Variants in SPOPL observed in about 807,000 individuals in gnomAD.
The protein encoded by SPOPL is speckle-type POZ protein-like.
A neutral mutation model predicts 53.8 loss-of-function variants in SPOPL; 23 were observed. The ratio of observed to expected loss-of-function variants is 0.43; its 90% CI spans 0.31 to 0.61. SPOPL has a LOEUF of 0.61. SPOPL is among the 20% of genes least tolerant of loss of function. SPOPL has a pLI of 0.12. For synonymous variants in SPOPL, 164 were observed against 149.7 expected (o/e 1.10, Z -0.70); for missense variants, 442 against 466.9 (o/e 0.95, Z 0.49).
intron 1 of SPOPL, among the ~76,000 whole-genome samples, chr2:138,511,828 C>T (rs1346251733): frequency 1.3e-5 from 2 of 152,180 alleles, no homozygotes; most frequent in African/African-American, 2.4e-5. Context: ...CTCCAGAGCT[C>T]TCCAGGCATC....
intron 1 of SPOPL, among the ~76,000 whole-genome samples, chr2:138,509,866 TATG>T (rs1684291569): frequency 6.6e-6 from 1 of 152,194 alleles, no homozygotes; most frequent in Non-Finnish European, 1.5e-5. Flanking sequence ...TATCTACCAT[TATG>T]ATGTCTTTCA....
intron 1 of SPOPL, among the ~76,000 whole-genome samples, chr2:138,510,122 A>G (rs1684296287): frequency 6.6e-6 from 1 of 152,232 alleles, no homozygotes; most frequent in African/African-American, 2.4e-5. Context: ...CCATTGACCT[A>G]CTAAAGGACA....
At chr2:138,555,246 A>C (rs1322073586) in intron 5 of SPOPL, among the ~76,000 whole-genome samples, 2 of 151,864 alleles carry the variant, frequency 1.3e-5, no homozygotes, top group East Asian at 3.9e-4. Context: ...AGTCCTCATA[A>C]CCTAATTACC....
intron 4 of SPOPL, 144 bp downstream of exon 4, chr2:138,551,198 T>C: frequency 3.5e-6 from 3 of 866,000 alleles, no homozygotes; most frequent in Non-Finnish European, 5.3e-6. Context: ...ATTATTTAAA[T>C]CCAGCATAGA....
At chr2:138,511,637 C>T (rs13400517) in intron 1 of SPOPL, among the ~76,000 whole-genome samples, 74,685 of 151,972 alleles carry the variant, frequency 0.49, 22,276 homozygotes, top group Non-Finnish European at 0.67. Flanking sequence ...GAGAGAACTG[C>T]GGATTATAAT....
At chr2:138,545,297 G>A (rs1162853671) in intron 1 of SPOPL, among the ~76,000 whole-genome samples, 10 of 152,202 alleles carry the variant, frequency 6.6e-5, no homozygotes, top group Admixed American at 6.5e-4. Flanking sequence ...TCAGGAATGA[G>A]GGCTGATGAC....
At chr2:138,508,204 T>C (rs1684255527) in intron 1 of SPOPL, among the ~76,000 whole-genome samples, 1 of 152,170 alleles carries the variant, frequency 6.6e-6, no homozygotes, top group African/African-American at 2.4e-5. Flanking sequence ...ACAATTTATC[T>C]ATAGACATGG....
At chr2:138,554,673 A>G in intron 5 of SPOPL, 1 of 251,122 alleles carries the variant, frequency 4.0e-6, no homozygotes, top group Non-Finnish European at 7.3e-6. Context: ...GTGATGCAGA[A>G]AATAGGAATT....
chr2:138,527,116 C>G (rs1249335514), intron 1 of SPOPL, among the ~76,000 whole-genome samples: 2 of 152,054 alleles, frequency 1.3e-5, no homozygotes, highest in South Asian at 2.1e-4. Context: ...CTGACTTGTT[C>G]CTTTGTAGAT....
intron 7 of SPOPL, among the ~76,000 whole-genome samples, chr2:138,560,390 T>C (rs1685517443): frequency 1.3e-5 from 2 of 152,114 alleles, no homozygotes; most frequent in Admixed American, 6.5e-5. Flanking sequence ...TTTAGAATAC[T>C]GGTCAGAAAC....
chr2:138,517,372 TAGGCTTTTGA>T (rs762945548), intron 1 of SPOPL, among the ~76,000 whole-genome samples: 20 of 152,196 alleles, frequency 1.3e-4, no homozygotes, highest in Non-Finnish European at 4.4e-5. Context: ...ATTGGAGCAT[TAGGCTTTTGA>T]GGATTGAATC....
At chr2:138,558,559 T>G (rs1241013900) in intron 5 of SPOPL, among the ~76,000 whole-genome samples, 1 of 152,104 alleles carries the variant, frequency 6.6e-6, no homozygotes, top group Non-Finnish European at 1.5e-5. Flanking sequence ...GGCTGTAATT[T>G]TATCACTTTT....
chr2:138,554,744 G>C (rs72860815), intron 5 of SPOPL, among the ~76,000 whole-genome samples: 2 of 152,240 alleles, frequency 1.3e-5, no homozygotes, highest in Non-Finnish European at 2.9e-5. Context: ...AAATTCAACA[G>C]ATTTTAAATA....
chr2:138,535,919 T>C (rs1684921836), intron 1 of SPOPL, among the ~76,000 whole-genome samples: 1 of 152,186 alleles, frequency 6.6e-6, no homozygotes, highest in Non-Finnish European at 1.5e-5. Flanking sequence ...TGACCTCCTC[T>C]AGTGAATTTT....
chr2:138,548,179 C>A (rs1429461074), intron 1 of SPOPL, among the ~76,000 whole-genome samples: 1 of 150,106 alleles, frequency 6.7e-6, no homozygotes, highest in Non-Finnish European at 1.5e-5. Flanking sequence ...TTGGACAGTG[C>A]AATAGGTAGA....
chr2:138,557,922 G>A (rs999884768), intron 5 of SPOPL, among the ~76,000 whole-genome samples: 10 of 152,132 alleles, frequency 6.6e-5, no homozygotes, highest in African/African-American at 2.4e-4. Flanking sequence ...ACTTTGGGAG[G>A]TCAAGGCAGG....
At chr2:138,568,787 A>G (rs1307874172) in intron 10 of SPOPL, 149 bp from the exon 11 acceptor site, 1 of 820,680 alleles carries the variant, frequency 1.2e-6, no homozygotes, top group African/African-American at 1.7e-5. Context: ...TAAGATAAAG[A>G]TGGTATTTTA....
intron 8 of SPOPL, among the ~76,000 whole-genome samples, chr2:138,562,021 A>G (rs1393674440): frequency 1.3e-5 from 2 of 152,236 alleles, no homozygotes; most frequent in African/African-American, 2.4e-5. Context: ...ATTACAAAAT[A>G]TGCCAAAAGA....
At chr2:138,552,812 C>T in intron 5 of SPOPL, 131 bp downstream of exon 5, 1 of 1,099,102 alleles carries the variant, frequency 9.1e-7, no homozygotes, top group African/African-American at 1.6e-5. Flanking sequence ...AAATTCTTGA[C>T]TAGAAAAAGC....
Sources: allele counts gnomAD v4.1 joint callset (sites outside exome capture counted in the v4.1 genomes callset), GRCh38; gene constraint gnomAD v4.1.1; transcripts MANE v1.5; gene names NCBI Gene and HGNC (gene_info 2026-07-23, HGNC 2026-07-21).